The following EFNA5 variants were observed in gnomAD, a reference collection of about 807,000 sequenced individuals.
EFNA5 encodes the protein ephrin-A5.
EFNA5 carries 5 observed loss-of-function variants against 22.9 expected under a neutral mutation model. The ratio of observed to expected loss-of-function variants is 0.22; its 90% CI spans 0.11 to 0.46. EFNA5 has a LOEUF of 0.46. EFNA5 is among the 20% of genes least tolerant of loss of function. EFNA5 has a pLI of 0.99. For synonymous variants in EFNA5, 113 were observed against 112.2 expected, an observed-to-expected ratio of 1.01 and a Z score of -0.04; for missense variants, 237 against 293.3, an observed-to-expected ratio of 0.81 and a Z score of 1.40.
chr5:107,433,854 T>C (rs142991746), intron 1 of EFNA5, among the ~76,000 whole-genome samples: 13 of 151,492 alleles, frequency 8.6e-5, no homozygotes, highest in African/African-American at 2.9e-4. Context: ...TGAACCGAGA[T>C]TGTGCCACTG....
intron 1 of EFNA5, among the ~76,000 whole-genome samples, chr5:107,498,061 A>C (rs937111875): frequency 1.3e-5 from 2 of 152,082 alleles, no homozygotes; most frequent in Non-Finnish European, 2.9e-5. Flanking sequence ...GATTACAGAC[A>C]TGTGCCATCA....
intron 1 of EFNA5, among the ~76,000 whole-genome samples, chr5:107,435,760 C>T (rs1472860604): frequency 2.0e-5 from 3 of 152,142 alleles, no homozygotes; most frequent in African/African-American, 7.2e-5. Context: ...ATGCAGTATG[C>T]TACAATATAT....
Position 107,670,655 on chromosome 5 carries a change from GGA to G in EFNA5, c.-44_-43del, listed in dbSNP as rs764319874. The stretch of plus-strand genomic sequence containing the variant: ...CGGAGCCCCCGACGCGCCACTCCGG[GGA>G]GAGAGCGGGGATCCGGAGGGAGGGA... On this transcript the variant is annotated 5_prime_UTR_variant, in exon 1 of 5. Coordinates refer to ENST00000333274, the MANE Select transcript of EFNA5 (RefSeq NM_001962.3). 1.3e-6 allele frequency: 2 copies of G among 1,586,106 alleles called. No individual in the cohort carries two copies. Among genetic ancestry groups the G allele is most frequent in the East Asian group, 2.3e-5 (1 of 42,768 alleles).
At chr5:107,423,686 T>C (rs943784507) in intron 2 of EFNA5, among the ~76,000 whole-genome samples, 1 of 152,230 alleles carries the variant, frequency 6.6e-6, no homozygotes, top group Non-Finnish European at 1.5e-5. Flanking sequence ...TACTTTAGTA[T>C]GCCAATCTCT....
At chr5:107,438,196 CTTA>C (rs1180703633) in intron 1 of EFNA5, among the ~76,000 whole-genome samples, 1 of 152,132 alleles carries the variant, frequency 6.6e-6, no homozygotes, top group Non-Finnish European at 1.5e-5. Flanking sequence ...GGCGGAGAAG[CTTA>C]TTATTTGTAA....
chr5:107,477,514 A>G (rs760078144), intron 1 of EFNA5, among the ~76,000 whole-genome samples: 1 of 152,228 alleles, frequency 6.6e-6, no homozygotes, highest in Non-Finnish European at 1.5e-5. Context: ...TTATAACTGT[A>G]AAAGGATCTC....
rs536148888 is a variant in EFNA5 at position 107,464,094 on chromosome 5, T to C, written c.126-36585A>G. ...AGCAATGACTACAGTGAGGGGACAG[T>C]AGGAATTTCATGGGATTCAAAAAGA... On this transcript the variant is annotated intron_variant, in intron 1 of 4. Transcript: ENST00000333274. Among the ~76,000 whole-genome samples, 6 of 152,224 alleles carry C rather than the reference T, an allele frequency of 3.9e-5. No homozygotes were observed. In the South Asian group the frequency reaches 1.0e-3, roughly 26 times the overall value.
At chr5:107,641,288 G>A (rs750495486) in intron 1 of EFNA5, among the ~76,000 whole-genome samples, 7 of 151,620 alleles carry the variant, frequency 4.6e-5, no homozygotes, top group Non-Finnish European at 8.8e-5. Flanking sequence ...AACCCAGGAG[G>A]CAAAGGTTAC....
At chr5:107,630,513 A>C (rs1006633874) in intron 1 of EFNA5, among the ~76,000 whole-genome samples, 1 of 152,182 alleles carries the variant, frequency 6.6e-6, no homozygotes, top group Non-Finnish European at 1.5e-5. Flanking sequence ...AGATTAAAAA[A>C]TGGTACACCT....
At chr5:107,425,134 T>A (rs1448469746) in intron 2 of EFNA5, among the ~76,000 whole-genome samples, 1 of 152,190 alleles carries the variant, frequency 6.6e-6, no homozygotes, top group Non-Finnish European at 1.5e-5. Context: ...GTTATAGAAG[T>A]CACATAATGA....
chr5:107,589,787 T>G (rs1749279070), intron 1 of EFNA5, among the ~76,000 whole-genome samples: 1 of 152,248 alleles, frequency 6.6e-6, no homozygotes, highest in Non-Finnish European at 1.5e-5. Flanking sequence ...GACAGGGGTT[T>G]CAGTGAAAAC....
At chr5:107,537,089 G>A (rs1389497086) in intron 1 of EFNA5, among the ~76,000 whole-genome samples, 1 of 148,620 alleles carries the variant, frequency 6.7e-6, no homozygotes, top group African/African-American at 2.5e-5. Context: ...TGGCAACAGA[G>A]CAAGACTCCG....
chr5:107,483,838 G>A (rs1364440328), intron 1 of EFNA5, among the ~76,000 whole-genome samples: 1 of 152,156 alleles, frequency 6.6e-6, no homozygotes, highest in Non-Finnish European at 1.5e-5. Flanking sequence ...TAGTGTTGAA[G>A]TAATTATTAT....
In EFNA5 at chr5:107,466,311, T is replaced by C. The variant is rs532341475; in HGVS notation, c.126-38802A>G. Among the ~76,000 whole-genome samples the C allele has an allele frequency of 6.6e-5, 10 of 152,250 alleles. No homozygotes were observed. In the South Asian group the frequency reaches 2.1e-3, roughly 32 times the overall value. On this transcript the variant is annotated intron_variant, in intron 1 of 4. Coordinates refer to ENST00000333274, the MANE Select transcript of EFNA5 (RefSeq NM_001962.3). ...GGTATTAAATGCTGAGTCATTGCTA[T>C]GCTTTGCAGAGATAATACTTCATCC...
chr5:107,655,823 G>C (rs930373418), intron 1 of EFNA5, among the ~76,000 whole-genome samples: 1 of 152,242 alleles, frequency 6.6e-6, no homozygotes, highest in South Asian at 2.1e-4. Flanking sequence ...TAAAATATGT[G>C]TTCCTTGACA....
At chr5:107,606,205 T>C (rs901657966) in intron 1 of EFNA5, among the ~76,000 whole-genome samples, 3 of 152,246 alleles carry the variant, frequency 2.0e-5, no homozygotes, top group Non-Finnish European at 4.4e-5. Context: ...CTTGACTTTT[T>C]TTTTAAAGTC....
In EFNA5 at chr5:107,608,619, T is replaced by G. The variant is rs1749767124; in HGVS notation, c.125+61870A>C. On this transcript the variant is annotated intron_variant, in intron 1 of 4. Coordinates refer to ENST00000333274, the MANE Select transcript of EFNA5 (RefSeq NM_001962.3). ...CCTGAGCTCCCAAGAGAGGTGCCCC[T>G]TAAAGCAGGAGATGGAGGCACCAAG... 3.3e-5 allele frequency among the ~76,000 whole-genome samples: 5 copies of G among 152,208 alleles called. No individual in the cohort carries two copies. The South Asian group carries it at 1.0e-3, about 32-fold the overall frequency.
At chr5:107,545,181 A>G (rs1580522724) in intron 1 of EFNA5, among the ~76,000 whole-genome samples, 1 of 152,258 alleles carries the variant, frequency 6.6e-6, no homozygotes, top group African/African-American at 2.4e-5. Flanking sequence ...CACATCTTTC[A>G]CAAACATTAC....
intron 1 of EFNA5, among the ~76,000 whole-genome samples, chr5:107,665,989 C>T (rs1384684617): frequency 6.6e-6 from 1 of 152,096 alleles, no homozygotes; most frequent in Non-Finnish European, 1.5e-5. Flanking sequence ...TAATGTGATA[C>T]GTTACACTGA....
Sources: gnomAD v4.1 joint callset for allele counts (sites outside exome capture counted in the v4.1 genomes callset) on GRCh38, gnomAD v4.1.1 for gene constraint, MANE v1.5 for transcripts, NCBI Gene and HGNC (gene_info 2026-07-23, HGNC 2026-07-21) for gene names.